Variants in PCGF3 observed in about 807,000 individuals in gnomAD.
The protein encoded by PCGF3 is polycomb group RING finger protein 3.
PCGF3 carries 7 observed loss-of-function variants against 33.1 expected under a neutral mutation model. The ratio of observed to expected loss-of-function variants is 0.21; its 90% CI spans 0.12 to 0.40. The LOEUF (loss-of-function observed/expected upper bound fraction) is 0.40, where lower values mean the gene tolerates loss of function less well. PCGF3 is among the 10% of genes least tolerant of loss of function. The pLI, the probability that PCGF3 is intolerant of heterozygous loss-of-function variation, is 1.00. For missense variants in PCGF3, 211 were observed against 313.3 expected (o/e 0.67, Z 2.46); for synonymous variants, 153 against 121.3 (o/e 1.26, Z -1.72).
chr4:718,948 T>G (rs960881448), intron 1 of PCGF3, among the ~76,000 whole-genome samples: 1 of 152,204 alleles, frequency 6.6e-6, no homozygotes, highest in African/African-American at 2.4e-5. Context: ...TTTCTTTTTT[T>G]TCTTTTTTCT....
chr4:753,334 C>G (rs1255969440), intron 8 of PCGF3, among the ~76,000 whole-genome samples: 1 of 152,170 alleles, frequency 6.6e-6, no homozygotes, highest in East Asian at 1.9e-4. Flanking sequence ...GTGTGAGCCA[C>G]TGTACCTGGC....
Position 720,861 on chromosome 4 carries a change from G to C in PCGF3, c.-189-9769G>C, listed in dbSNP as rs944480271. Among the ~76,000 whole-genome samples the C allele has an allele frequency of 6.6e-6, 1 of 152,210 alleles. No homozygotes were observed. The highest frequency in any genetic ancestry group is 1.5e-5 in the Non-Finnish European group (1 of 68,036). Reference sequence around the variant, plus strand: ...GGACATGTCAGACTTCTGTCTCTAAGATACTGCTCAGACTTGTGTGGAGGG... The same window carrying C: ...GGACATGTCAGACTTCTGTCTCTAACATACTGCTCAGACTTGTGTGGAGGG... On this transcript the variant is annotated intron_variant, in intron 1 of 10. Coordinates refer to ENST00000362003, the Ensembl canonical transcript of PCGF3. The surrounding 1 kb of genome is among the most constrained non-coding windows in gnomAD (Gnocchi z 5.6).
At chr4:752,067 C>G (rs537965133) in intron 8 of PCGF3, among the ~76,000 whole-genome samples, 1 of 152,248 alleles carries the variant, frequency 6.6e-6, no homozygotes, top group African/African-American at 2.4e-5. Context: ...CTTGACGGGG[C>G]CTTTCTTTCT....
intron 8 of PCGF3, among the ~76,000 whole-genome samples, chr4:750,746 C>T (rs2152603327): frequency 6.6e-6 from 1 of 152,234 alleles, no homozygotes; most frequent in Admixed American, 6.5e-5. Context: ...TCTCTGTAAC[C>T]TCGCGGTGTT....
intron 5 of PCGF3, among the ~76,000 whole-genome samples, chr4:735,386 A>G (rs997538797): frequency 6.6e-6 from 1 of 152,176 alleles, no homozygotes; most frequent in African/African-American, 2.4e-5. Context: ...ATCTCTACTA[A>G]AAGTACAAAA....
intron 6 of PCGF3, among the ~76,000 whole-genome samples, chr4:741,709 A>G (rs1744099793): frequency 6.6e-6 from 1 of 152,290 alleles, no homozygotes; most frequent in African/African-American, 2.4e-5. Context: ...GCCCGGCCCC[A>G]ATAAATGTTT....
At position 752,548 on chromosome 4, in the gene PCGF3, C is replaced by T. The variant is rs569219549; in HGVS notation, c.462+7860C>T. 5.3e-5 allele frequency among the ~76,000 whole-genome samples: 8 copies of T among 151,930 alleles called. No individual in the cohort carries two copies. The East Asian group carries it at 1.4e-3, about 26-fold the overall frequency. On this transcript the variant is annotated intron_variant, in intron 8 of 10. Coordinates refer to ENST00000362003, the Ensembl canonical transcript of PCGF3. Reference sequence around the variant, plus strand: ...TGGGCATCCTGAGGCCTCCGGGGACCGGGCGGGCAAGGGTGGGGTTTGTGG... The same window carrying T: ...TGGGCATCCTGAGGCCTCCGGGGACTGGGCGGGCAAGGGTGGGGTTTGTGG...
intron 6 of PCGF3, among the ~76,000 whole-genome samples, chr4:741,732 A>C (rs1383406121): frequency 6.6e-6 from 1 of 152,180 alleles, no homozygotes; most frequent in Non-Finnish European, 1.5e-5. Context: ...GTGCCTGTAT[A>C]CACCTGACAC....
intron 6 of PCGF3, among the ~76,000 whole-genome samples, chr4:743,139 G>A (rs1263647110): frequency 6.6e-6 from 1 of 152,230 alleles, no homozygotes; most frequent in African/African-American, 2.4e-5. Flanking sequence ...CTGGTGACGG[G>A]TGGTTCTGCG....
intron 6 of PCGF3, among the ~76,000 whole-genome samples, chr4:739,162 A>G (rs1269916128): frequency 3.3e-5 from 5 of 152,170 alleles, no homozygotes; most frequent in African/African-American, 4.8e-5. Flanking sequence ...CAGTGCTGAC[A>G]TTTCTAGTTG....
chr4:742,805 A>AG (rs1216319461), intron 6 of PCGF3, among the ~76,000 whole-genome samples: 1 of 152,122 alleles, frequency 6.6e-6, no homozygotes, highest in Non-Finnish European at 1.5e-5. Context: ...CACAGACACC[A>AG]GGGGGCGCTC....
chr4:718,016 G>A (rs1742928123), intron 1 of PCGF3, among the ~76,000 whole-genome samples: 3 of 152,196 alleles, frequency 2.0e-5, no homozygotes, highest in Admixed American at 6.5e-5. Flanking sequence ...TGTGGGTGCC[G>A]CGTGTCCTTC....
At chr4:749,476 C>CTT (rs71640348) in intron 8 of PCGF3, among the ~76,000 whole-genome samples, 12,859 of 75,124 alleles carry the variant, frequency 0.17, 1,571 homozygotes, top group Admixed American at 0.23. Context: ...ATTTTCTTTC[C>CTT]TTTTTTTTTT....
chr4:742,698 G>A (rs566412035), intron 6 of PCGF3, among the ~76,000 whole-genome samples: 2 of 152,196 alleles, frequency 1.3e-5, no homozygotes, highest in African/African-American at 2.4e-5. Flanking sequence ...CCTCTGGTCC[G>A]GCCAGAGGTG....
intron 3 of PCGF3, among the ~76,000 whole-genome samples, chr4:732,866 T>G (rs934085899): frequency 1.3e-5 from 2 of 152,220 alleles, no homozygotes; most frequent in Non-Finnish European, 2.9e-5. Context: ...GGCCCTGCTC[T>G]CTTGCCTCAA....
At chr4:743,416 G>A in intron 6 of PCGF3, 58 bp from the exon 7 acceptor site, 1 of 989,336 alleles carries the variant, frequency 1.0e-6, no homozygotes, top group Non-Finnish European at 1.6e-6. Flanking sequence ...TTTATGAACA[G>A]AAGTTTAATA....
At chr4:730,763 T>G (rs1743521357) in intron 2 of PCGF3, 95 bp downstream of exon 2, 1 of 361,344 alleles carries the variant, frequency 2.8e-6, no homozygotes, top group South Asian at 1.5e-4. Flanking sequence ...TCGGCGTTCC[T>G]TGCAGTGCCT....
At chr4:762,507 C>T (rs1745115364) in intron 9 of PCGF3, 1 of 152,310 alleles carries the variant, frequency 6.6e-6, no homozygotes, top group Admixed American at 6.5e-5. Context: ...GGCCGAGGGC[C>T]CTGCCCCATG....
At chr4:752,089 GA>G (rs1744540968) in intron 8 of PCGF3, among the ~76,000 whole-genome samples, 1 of 152,262 alleles carries the variant, frequency 6.6e-6, no homozygotes, top group African/African-American at 2.4e-5. Flanking sequence ...TTTTCCGAGG[GA>G]GGGGATGGGG....
Sources: gnomAD v4.1 joint callset for allele counts (sites outside exome capture counted in the v4.1 genomes callset) on GRCh38, gnomAD v4.1.1 for gene constraint, Gnocchi (gnomAD v3.1) non-coding constraint, MANE v1.5 for transcripts, NCBI Gene and HGNC (gene_info 2026-07-23, HGNC 2026-07-21) for gene names.